UNC13C: variants seen among roughly 807,000 people sequenced by gnomAD.
UNC13C encodes the protein unc-13 homolog C, also known as protein unc-13 homolog C.
In UNC13C, 174 loss-of-function variants were observed where a neutral mutation model predicts 245.4. The ratio of observed to expected loss-of-function variants is 0.71; its 90% CI spans 0.63 to 0.80. The LOEUF (loss-of-function observed/expected upper bound fraction) is 0.80, where lower values mean the gene tolerates loss of function less well. Ranked by LOEUF, UNC13C falls within the 30% of genes least tolerant of loss-of-function variation. The pLI is 0.00. For missense variants in UNC13C, 2,829 were observed against 2,602.9 expected (o/e 1.09, Z -1.89); for synonymous variants, 992 against 895.1 (o/e 1.11, Z -1.93).
chr15:54,311,900 A>G (rs973325526), intron 13 of UNC13C, among the ~76,000 whole-genome samples: 1 of 151,860 alleles, frequency 6.6e-6, no homozygotes, highest in East Asian at 1.9e-4. Context: ...TGTACAAATA[A>G]TTTAGTCAAA....
chr15:54,553,525 C>T (rs1466610215), intron 28 of UNC13C, among the ~76,000 whole-genome samples: 1 of 139,750 alleles, frequency 7.2e-6, no homozygotes, highest in Non-Finnish European at 1.5e-5. Flanking sequence ...CTATATATAA[C>T]ATATATTTGC....
the UNC13C span, among the ~76,000 whole-genome samples, chr15:53,899,127 A>T: frequency 6.6e-6 from 1 of 152,168 alleles, no homozygotes; most frequent in African/African-American, 2.4e-5. Flanking sequence ...GATTATTTTA[A>T]CACCATCAGT....
At chr15:53,879,761 A>G in the UNC13C span, among the ~76,000 whole-genome samples, 1 of 151,858 alleles carries the variant, frequency 6.6e-6, no homozygotes, top group Non-Finnish European at 1.5e-5. Context: ...TAATGTTTGT[A>G]TTTTCAGTAG....
At chr15:53,995,025 A>G (rs1894555371) in intron 1 of UNC13C, among the ~76,000 whole-genome samples, 1 of 152,122 alleles carries the variant, frequency 6.6e-6, no homozygotes, top group Non-Finnish European at 1.5e-5. Context: ...CTGGATGTCC[A>G]GTGTGTATAA....
At chr15:54,287,163 C>A (rs530784590) in intron 10 of UNC13C, among the ~76,000 whole-genome samples, 110 of 152,238 alleles carry the variant, frequency 7.2e-4, no homozygotes, top group South Asian at 2.1e-3. Flanking sequence ...ACTATGCATT[C>A]TCCCACTATT....
At chr15:54,489,236 T>G (rs1417822364) in intron 19 of UNC13C, among the ~76,000 whole-genome samples, 3 of 152,182 alleles carry the variant, frequency 2.0e-5, no homozygotes, top group African/African-American at 4.8e-5. Context: ...ACCCAGAATG[T>G]AACTGAGAGA....
At chr15:53,907,420 G>A in the UNC13C span, among the ~76,000 whole-genome samples, 1 of 151,990 alleles carries the variant, frequency 6.6e-6, no homozygotes, top group East Asian at 1.9e-4. Context: ...ATTTGTAATA[G>A]AAGATCAGCA....
chr15:54,484,630 A>G (rs1448156226), intron 19 of UNC13C, among the ~76,000 whole-genome samples: 2 of 152,216 alleles, frequency 1.3e-5, no homozygotes, highest in African/African-American at 2.4e-5. Flanking sequence ...TTTTCACTTT[A>G]TCTTCATGAC....
At chr15:54,310,158 C>T (rs1050952413) in intron 13 of UNC13C, among the ~76,000 whole-genome samples, 11 of 151,586 alleles carry the variant, frequency 7.3e-5, no homozygotes, top group African/African-American at 2.7e-4. Flanking sequence ...CTGAGTCAGT[C>T]ATTTTTAATT....
intron 1 of UNC13C, among the ~76,000 whole-genome samples, chr15:53,979,572 C>T (rs965768803): frequency 2.0e-5 from 3 of 152,138 alleles, no homozygotes; most frequent in African/African-American, 4.8e-5. Flanking sequence ...CATGAGTAAA[C>T]CCTAACTTCT....
At chr15:53,996,311 A>G (rs1186140944) in intron 1 of UNC13C, among the ~76,000 whole-genome samples, 2 of 152,166 alleles carry the variant, frequency 1.3e-5, no homozygotes, top group Non-Finnish European at 1.5e-5. Context: ...ACGTTTCTGT[A>G]TCAGGTAGAG....
chr15:54,512,324 T>G (rs1894783856), intron 24 of UNC13C: 1 of 455,780 alleles, frequency 2.2e-6, no homozygotes, highest in African/African-American at 2.0e-5. Flanking sequence ...GTCCAACATC[T>G]TTGACTTGCA....
chr15:54,101,183 C>A (rs1466104486), intron 2 of UNC13C, among the ~76,000 whole-genome samples: 1 of 151,788 alleles, frequency 6.6e-6, no homozygotes, highest in African/African-American at 2.4e-5. Context: ...ATCTGGATAA[C>A]CTGTTAATCT....
intron 1 of UNC13C, among the ~76,000 whole-genome samples, chr15:54,006,045 A>G (rs1895120793): frequency 6.6e-6 from 1 of 152,196 alleles, no homozygotes; most frequent in Non-Finnish European, 1.5e-5. Context: ...TTTTAGAGTT[A>G]GGCGATTTGG....
chr15:54,620,981 T>A (rs988948859), intron 30 of UNC13C, among the ~76,000 whole-genome samples: 31 of 152,166 alleles, frequency 2.0e-4, no homozygotes, highest in African/African-American at 7.5e-4. Flanking sequence ...CATTGTCTAT[T>A]TCGTTAGTGT....
Position 54,455,205 on chromosome 15 carries a change from C to CTATATATATATATATA in UNC13C, c.4934-39385_4934-39370dup, listed in dbSNP as rs1214014395. Among the ~76,000 whole-genome samples the CTATATATATATATATA allele has an allele frequency of 3.0e-3, 56 of 18,934 alleles. 2 individuals are homozygous for CTATATATATATATATA. The highest frequency in any genetic ancestry group is 3.2e-3 in the African/African-American group (17 of 5,242). The allele number at this position is 18,934 out of a possible 152,430, so 12.4% of individuals were successfully genotyped here. ...TCTCTCTCTCTCTCTCTCTCTCTCTCTATATATATATATATATATATATAT... is the reference window on the plus strand; with the variant it reads ...TCTCTCTCTCTCTCTCTCTCTCTCTCTATATATATATATATATATATATATATATATATATATATAT... On this transcript the variant is annotated intron_variant, in intron 19 of 32. Transcript: ENST00000260323.
At chr15:54,492,372 A>T (rs1893754022) in intron 19 of UNC13C, among the ~76,000 whole-genome samples, 1 of 152,170 alleles carries the variant, frequency 6.6e-6, no homozygotes. Flanking sequence ...AATCATTTGA[A>T]TACAGCTAAA....
At chr15:54,093,520 A>C (rs1425285843) in intron 2 of UNC13C, among the ~76,000 whole-genome samples, 3 of 152,248 alleles carry the variant, frequency 2.0e-5, no homozygotes, top group Non-Finnish European at 4.4e-5. Context: ...TTTCTTGAGC[A>C]GTTTAATGAG....
chr15:54,158,332 T>A (rs2032836178), intron 4 of UNC13C, among the ~76,000 whole-genome samples: 2 of 152,320 alleles, frequency 1.3e-5, no homozygotes, highest in South Asian at 2.1e-4. Flanking sequence ...ACTCTTTTTT[T>A]TAATTTTTTT....
Sources: allele counts gnomAD v4.1 joint callset (sites outside exome capture counted in the v4.1 genomes callset), GRCh38; gene constraint gnomAD v4.1.1; transcripts MANE v1.5; gene names NCBI Gene and HGNC (gene_info 2026-07-23, HGNC 2026-07-21).